Variants in PRDM15 observed in about 807,000 individuals in gnomAD.
PRDM15 encodes PR domain zinc finger protein 15.
Under a neutral mutation model 128.6 loss-of-function variants are expected in PRDM15, and 64 were observed. The observed-to-expected ratio is 0.50, with a 90% CI of 0.41 to 0.61. The LOEUF is 0.61. Among genes scored for constraint, PRDM15 ranks in the 20% least tolerant of loss-of-function variants. PRDM15 has a pLI of 0.00. For missense variants in PRDM15, 1,242 were observed against 1,569.1 expected (o/e 0.79, Z 3.52); for synonymous variants, 615 against 621.8 (o/e 0.99, Z 0.16).
intron 4 of PRDM15, among the ~76,000 whole-genome samples, chr21:41,856,929 C>T (rs1343170149): frequency 6.6e-6 from 1 of 152,210 alleles, no homozygotes; most frequent in Admixed American, 6.5e-5. Context: ...GTTTCTCCTG[C>T]ATATGTCTTA....
chr21:41,872,623 C>T (rs183343687), intron 1 of PRDM15, among the ~76,000 whole-genome samples: 2 of 152,254 alleles, frequency 1.3e-5, no homozygotes, highest in Admixed American at 1.3e-4. Flanking sequence ...GGGGAATAAG[C>T]GTATCCATCA....
At chr21:41,809,224 C>A (rs1278003525) in intron 21 of PRDM15, among the ~76,000 whole-genome samples, 1 of 146,176 alleles carries the variant, frequency 6.8e-6, no homozygotes, top group African/African-American at 2.5e-5. Flanking sequence ...ATGGCCTATG[C>A]AAATTTTTTC....
chr21:41,867,519 C>T lies in PRDM15; in HGVS notation c.-9-7147G>A, dbSNP rs888700676. On this transcript the variant is annotated intron_variant, in intron 1 of 23. Coordinates refer to ENST00000398548, the MANE Select transcript of PRDM15 (RefSeq NM_001040424.3). ...TTTTCACAGGCGTGAACATAGCGCA[C>T]TACAGCCTCAAACTCCTGGGCACAA... 8 of 586,320 alleles carry T rather than the reference C, an allele frequency of 1.4e-5. No individual in the cohort carries two copies. The Admixed American group carries it at 1.6e-4, about 12-fold the overall frequency. The allele number at this position is 586,320 out of a possible 1,614,324, so 36.3% of individuals were successfully genotyped here.
rs546582249 is a variant in PRDM15 at position 41,879,276 on chromosome 21, T to C, written c.-16A>G. On this transcript the variant is annotated 5_prime_UTR_variant, in exon 1 of 24. Coordinates refer to ENST00000398548, the MANE Select transcript of PRDM15 (RefSeq NM_001040424.3). The surrounding 1 kb of genome is among the most constrained non-coding windows in gnomAD (Gnocchi z 5.1). ...GCAGGGCCCGGAGCTTTACCTGCCT[T>C]TGGAATGTGCAGAGCGGGATCGGAT... 2 of 1,045,446 alleles carry C rather than the reference T, an allele frequency of 1.9e-6. No homozygotes were observed. Among genetic ancestry groups the C allele is most frequent in the African/African-American group, 1.7e-5 (1 of 57,460 alleles). 64.8% of individuals were successfully genotyped at this position (1,045,446 alleles called of 1,614,324 possible). A position where few individuals can be genotyped will look rare whatever the true frequency, so the allele number is the denominator to read the frequency against.
chr21:41,847,588 A>G (rs2063305967), intron 5 of PRDM15, among the ~76,000 whole-genome samples: 1 of 152,148 alleles, frequency 6.6e-6, no homozygotes, highest in Non-Finnish European at 1.5e-5. Context: ...AATAAGAGAC[A>G]GTGGAACCCC....
intron 1 of PRDM15, among the ~76,000 whole-genome samples, chr21:41,865,436 C>A (rs1387477304): frequency 2.0e-5 from 3 of 152,152 alleles, no homozygotes; most frequent in African/African-American, 7.2e-5. Context: ...ATACTTGGAC[C>A]CTCCTCGGCA....
chr21:41,842,489 CTTTT>C (rs1568968390), intron 6 of PRDM15, among the ~76,000 whole-genome samples: 1 of 152,120 alleles, frequency 6.6e-6, no homozygotes, highest in Non-Finnish European at 1.5e-5. Flanking sequence ...GTTTATGATT[CTTTT>C]TTTGTTTGTT....
At position 41,810,526 on chromosome 21, in the gene PRDM15, A is replaced by G; in HGVS notation, c.2477-197T>C. On this transcript the variant is annotated intron_variant, in intron 20 of 23. Transcript: ENST00000398548. This position sits in a 1 kb window ranked among gnomAD's most constrained non-coding sequence, Gnocchi z 6.4. ...CTGTCCCTTGGGGAGCACTGCCAGC[A>G]GCAGCTGCATCACGGAACCAATATG... 1.5e-6 allele frequency: 1 copy of G among 650,892 alleles called. No individual in the cohort carries two copies. Among genetic ancestry groups the G allele is most frequent in the Non-Finnish European group, 2.6e-6 (1 of 380,198 alleles). 40.3% of individuals were successfully genotyped at this position (650,892 alleles called of 1,614,324 possible).
At chr21:41,869,789 C>T (rs1320727673) in intron 1 of PRDM15, among the ~76,000 whole-genome samples, 2 of 152,204 alleles carry the variant, frequency 1.3e-5, no homozygotes, top group Non-Finnish European at 2.9e-5. Flanking sequence ...ATCTGTTATC[C>T]AATCTGAATT....
At chr21:41,841,960 C>T (rs140209928) in intron 6 of PRDM15, among the ~76,000 whole-genome samples, 423 of 152,278 alleles carry the variant, frequency 2.8e-3, no homozygotes, top group Middle Eastern at 0.01. Context: ...ATGCAGCTAA[C>T]ATGGTTCTTA....
rs1568879586 is a variant in PRDM15, at chr21:41,806,006, TCACCACCACCATCAC to T, written c.2653-1407_2653-1393del. ...ACCACTATCACCACCACCACCACCA[TCACCACCACCATCAC>T]CACCACCACCATCACCACCACCATC... is the stretch of plus-strand genomic sequence containing the variant. On this transcript the variant is annotated intron_variant, in intron 21 of 23. Transcript: ENST00000398548. 8.1e-3 allele frequency among the ~76,000 whole-genome samples: 344 copies of T among 42,404 alleles called. 7 individuals are homozygous for T. The highest frequency in any genetic ancestry group is 0.031 in the African/African-American group (307 of 9,904). 27.8% of individuals were successfully genotyped at this position (42,404 alleles called of 152,430 possible). A position where few individuals can be genotyped will look rare whatever the true frequency, so the allele number is the denominator to read the frequency against.
chr21:41,871,908 ATG>A, intron 1 of PRDM15: 1 of 287,184 alleles, frequency 3.5e-6, no homozygotes, highest in Non-Finnish European at 6.5e-6. Context: ...CCTACGTGAC[ATG>A]ACCAGAACCC....
intron 1 of PRDM15, among the ~76,000 whole-genome samples, chr21:41,867,110 G>T (rs2145976962): frequency 6.6e-6 from 1 of 152,212 alleles, no homozygotes; most frequent in East Asian, 1.9e-4. Flanking sequence ...GATGTGGGGA[G>T]ATGCCCGACA....
At position 41,839,674 on chromosome 21, in the gene PRDM15, C is replaced by T; in HGVS notation, c.820G>A (p.Val274Met). 1 of 1,614,276 alleles carries T rather than the reference C, an allele frequency of 6.2e-7. No homozygotes were observed. Among genetic ancestry groups the T allele is most frequent in the Non-Finnish European group, 8.5e-7 (1 of 1,180,050 alleles). The change falls in exon 7 of 24, where the codon GTG (valine) becomes ATG (methionine). Residue 274 changes from valine (V) to methionine (M), a missense_variant. Around this residue, in one of 3 missense-constraint regions of PRDM15, gnomAD observed 612 missense variants for 717.0 expected, o/e 0.85. Coordinates refer to ENST00000398548, the MANE Select transcript of PRDM15 (RefSeq NM_001040424.3). ...ACTAGAGGCTGCTCAGCTTTGGACA[C>T]TTTGGGTTTTCTCCCCCTTCGAGGC... is the stretch of plus-strand genomic sequence containing the variant. ...KKPRRGRKPK[V>M]SKAEQPLVIV...
chr21:41,834,046 T>A (rs1156572353), intron 11 of PRDM15, among the ~76,000 whole-genome samples: 2 of 152,176 alleles, frequency 1.3e-5, no homozygotes, highest in Non-Finnish European at 2.9e-5. Context: ...CCCAGGTTTC[T>A]TGGGAATTCT....
rs765850278 is a variant in PRDM15 at position 41,859,147 on chromosome 21, T to C, written c.131+445A>G. On this transcript the variant is annotated intron_variant, in intron 3 of 23. Coordinates refer to ENST00000398548, the MANE Select transcript of PRDM15 (RefSeq NM_001040424.3). This position sits in a 1 kb window ranked among gnomAD's most constrained non-coding sequence, Gnocchi z 5.3. The stretch of plus-strand genomic sequence containing the variant: ...CAGGGACTGCTTCTGGAAGCTGCTG[T>C]GGGTCAGCCCTGTCCCTGTCCTCAT... 5.0e-6 allele frequency: 8 copies of C among 1,613,620 alleles called. No individual in the cohort carries two copies. The Admixed American group carries it at 1.2e-4, about 24-fold the overall frequency.
At chr21:41,870,014 G>C (rs1039691783) in intron 1 of PRDM15, among the ~76,000 whole-genome samples, 7 of 152,200 alleles carry the variant, frequency 4.6e-5, no homozygotes, top group African/African-American at 1.7e-4. Flanking sequence ...GATGACTGCA[G>C]CTTTAATCAA....
intron 21 of PRDM15, among the ~76,000 whole-genome samples, chr21:41,805,126 C>G (rs2061522360): frequency 6.6e-6 from 1 of 152,234 alleles, no homozygotes; most frequent in Non-Finnish European, 1.5e-5. Context: ...AATGGCCCCA[C>G]TGAACGGGGT....
At chr21:41,805,783 ACAC>A (rs756371518) in intron 21 of PRDM15, among the ~76,000 whole-genome samples, 6 of 146,020 alleles carry the variant, frequency 4.1e-5, no homozygotes, top group Non-Finnish European at 7.5e-5. Context: ...ATCAACACCA[ACAC>A]CACCACCACC....
Sources: allele counts gnomAD v4.1 joint callset (sites outside exome capture counted in the v4.1 genomes callset), GRCh38; gene constraint gnomAD v4.1.1; regional missense constraint gnomAD v4.1.1; non-coding constraint Gnocchi (gnomAD v3.1); transcripts MANE v1.5; gene names NCBI Gene and HGNC (gene_info 2026-07-23, HGNC 2026-07-21).